Variants in DOK6 observed in about 807,000 individuals in gnomAD.
DOK6 encodes docking protein 6.
A neutral mutation model predicts 44.0 loss-of-function variants in DOK6; 22 were observed. The observed-to-expected ratio is 0.50, with a 90% CI of 0.36 to 0.71. The LOEUF is 0.71. Among genes scored for constraint, DOK6 ranks in the 30% least tolerant of loss-of-function variants. The pLI, the probability that DOK6 is intolerant of heterozygous loss-of-function variation, is 0.00. For synonymous variants in DOK6, 166 were observed against 145.5 expected (o/e 1.14, Z -1.01); for missense variants, 340 against 416.4 (o/e 0.82, Z 1.60).
intron 1 of DOK6, among the ~76,000 whole-genome samples, chr18:69,488,615 A>G (rs769974718): frequency 1.1e-4 from 17 of 152,194 alleles, no homozygotes; most frequent in Non-Finnish European, 1.9e-4. Flanking sequence ...GTCCTGTCTT[A>G]CATGGCAGCA....
intron 3 of DOK6, among the ~76,000 whole-genome samples, chr18:69,655,968 A>G (rs964231906): frequency 1.3e-5 from 2 of 152,096 alleles, no homozygotes; most frequent in African/African-American, 4.8e-5. Context: ...AGAAGTCAAA[A>G]TGGTAATTGC....
At chr18:69,432,525 A>G (rs939564507) in intron 1 of DOK6, among the ~76,000 whole-genome samples, 14 of 152,222 alleles carry the variant, frequency 9.2e-5, no homozygotes, top group African/African-American at 3.4e-4. Context: ...CTGAGTGAAG[A>G]GTGAACCTTT....
intron 7 of DOK6, among the ~76,000 whole-genome samples, chr18:69,838,940 G>A (rs1982129203): frequency 6.9e-6 from 1 of 145,628 alleles, no homozygotes; most frequent in African/African-American, 2.6e-5. Context: ...CCCTACCTTA[G>A]TTCCTTCCCT....
At chr18:69,443,685 T>C (rs1222927204) in intron 1 of DOK6, among the ~76,000 whole-genome samples, 1 of 152,204 alleles carries the variant, frequency 6.6e-6, no homozygotes, top group Non-Finnish European at 1.5e-5. Flanking sequence ...TTTCTTGTGT[T>C]ACTTTCTATC....
rs1242360779 is a variant in DOK6 at position 69,741,904 on chromosome 18, A to G, written c.738+2801A>G. On this transcript the variant is annotated intron_variant, in intron 6 of 7. Coordinates refer to ENST00000382713, the MANE Select transcript of DOK6 (RefSeq NM_152721.6). ...AACAAAATTGTAACTTGAAAGTTGG[A>G]TAAAAAAACTCAAATGAGAAATAAT... Among the ~76,000 whole-genome samples, 5 of 152,226 alleles carry G rather than the reference A, an allele frequency of 3.3e-5. No homozygotes were observed. In the South Asian group the frequency reaches 6.2e-4, roughly 19 times the overall value.
At chr18:69,584,211 A>G (rs1367506673) in intron 2 of DOK6, among the ~76,000 whole-genome samples, 3 of 152,126 alleles carry the variant, frequency 2.0e-5, no homozygotes, top group Non-Finnish European at 2.9e-5. Context: ...TTATCACCAT[A>G]TAATTTTTAA....
chr18:69,485,468 G>T (rs569120963), intron 1 of DOK6, among the ~76,000 whole-genome samples: 1 of 152,110 alleles, frequency 6.6e-6, no homozygotes, highest in Non-Finnish European at 1.5e-5. Flanking sequence ...ACTCTGTCCC[G>T]TGGATGCAGA....
At chr18:69,473,939 C>T (rs1034924177) in intron 1 of DOK6, among the ~76,000 whole-genome samples, 16 of 151,518 alleles carry the variant, frequency 1.1e-4, no homozygotes, top group African/African-American at 3.6e-4. Context: ...GAAGTGCACA[C>T]CTTTCCCCCA....
Position 69,824,010 on chromosome 18 carries a change from T to TAGCAA in DOK6, c.857-17233_857-17232insGCAAA, listed in dbSNP as rs1171929944. On this transcript the variant is annotated intron_variant, in intron 7 of 7. Transcript: ENST00000382713. The stretch of plus-strand genomic sequence containing the variant: ...GTTCCAAAAAAAGCAAACAGAAACT[T>TAGCAA]ACATCAGACAGCCTTGTTATAGTAG... Among the ~76,000 whole-genome samples the TAGCAA allele has an allele frequency of 1.3e-4, 20 of 152,246 alleles. No individual in the cohort carries two copies. The East Asian group carries it at 3.9e-3, about 29-fold the overall frequency.
chr18:69,595,046 T>C (rs1358362007), intron 2 of DOK6, among the ~76,000 whole-genome samples: 2 of 152,032 alleles, frequency 1.3e-5, no homozygotes, highest in African/African-American at 4.8e-5. Flanking sequence ...TAGGAACAAA[T>C]TTAACCAAGG....
chr18:69,604,200 AT>A (rs1449286592), intron 3 of DOK6, among the ~76,000 whole-genome samples: 1 of 152,232 alleles, frequency 6.6e-6, no homozygotes, highest in Non-Finnish European at 1.5e-5. Flanking sequence ...TAATTAAGGA[AT>A]TTAGGATTAG....
Position 69,841,337 on chromosome 18 carries a change from G to A in DOK6, c.950G>A (p.Arg317Gln), listed in dbSNP as rs1431675272. 1.9e-6 allele frequency: 3 copies of A among 1,614,154 alleles called. No individual in the cohort carries two copies. Among genetic ancestry groups the A allele is most frequent in the Non-Finnish European group, 2.5e-6 (3 of 1,180,028 alleles). ...GAAGAGGCCCAGCAGCCGTTGTCGC[G>A]GTCCAGCAGCTATGGATTCAGCTAC... Reference protein sequence around the residue: ...QSEEAQQPLSRSSSYGFSYSS... With the variant: ...QSEEAQQPLSQSSSYGFSYSS... The change falls in exon 8 of 8, where the codon CGG (arginine) becomes CAG (glutamine). Residue 317 changes from arginine to glutamine, a missense_variant. Around this residue, in one of 3 missense-constraint regions of DOK6, gnomAD observed 112 missense variants for 109.3 expected, o/e 1.02. Coordinates refer to ENST00000382713, the MANE Select transcript of DOK6 (RefSeq NM_152721.6).
At chr18:69,551,333 A>G (rs1982561181) in intron 1 of DOK6, among the ~76,000 whole-genome samples, 1 of 152,208 alleles carries the variant, frequency 6.6e-6, no homozygotes. Flanking sequence ...ATATTTTTGT[A>G]TTAGAATTCC....
chr18:69,541,016 AGTGT>A (rs1267348468), intron 1 of DOK6, among the ~76,000 whole-genome samples: 13 of 152,282 alleles, frequency 8.5e-5, no homozygotes, highest in Admixed American at 5.9e-4. Flanking sequence ...GGAAGAAAAG[AGTGT>A]GTATGTTATC....
At chr18:69,749,155 G>C (rs1039719845) in intron 6 of DOK6, among the ~76,000 whole-genome samples, 7 of 152,088 alleles carry the variant, frequency 4.6e-5, no homozygotes, top group Admixed American at 4.6e-4. Context: ...GGGCCTGTTG[G>C]GGGTTGGGGT....
chr18:69,621,793 A>C (rs907328943), intron 3 of DOK6, among the ~76,000 whole-genome samples: 1 of 152,230 alleles, frequency 6.6e-6, no homozygotes, highest in Admixed American at 6.5e-5. Flanking sequence ...CTTTTGGAAC[A>C]TAGTTAATTC....
At chr18:69,755,154 T>TAG (rs1418840412) in intron 6 of DOK6, among the ~76,000 whole-genome samples, 2 of 151,178 alleles carry the variant, frequency 1.3e-5, no homozygotes, top group African/African-American at 4.9e-5. Context: ...GAGGGAAGAG[T>TAG]AGAGAAACAT....
At chr18:69,575,486 G>C in intron 2 of DOK6, among the ~76,000 whole-genome samples, 1 of 152,080 alleles carries the variant, frequency 6.6e-6, no homozygotes, top group Middle Eastern at 3.2e-3. Context: ...ATGACATGGA[G>C]TTTGGTATCA....
intron 5 of DOK6, 59 bp downstream of exon 5, chr18:69,698,652 C>T: frequency 1.3e-6 from 2 of 1,530,906 alleles, no homozygotes; most frequent in Non-Finnish European, 1.8e-6. Flanking sequence ...GTCTGTATAA[C>T]AGAGTCCTGA....
Sources: gnomAD v4.1 joint callset for allele counts (sites outside exome capture counted in the v4.1 genomes callset) on GRCh38, gnomAD v4.1.1 for gene constraint, gnomAD v4.1.1 regional missense constraint, MANE v1.5 for transcripts, NCBI Gene and HGNC (gene_info 2026-07-23, HGNC 2026-07-21) for gene names.